Variants in TRAF5 observed in about 807,000 individuals in gnomAD.
The protein encoded by TRAF5 is TNF receptor-associated factor 5.
Under a neutral mutation model 64.5 loss-of-function variants are expected in TRAF5, and 48 were observed. The ratio of observed to expected loss-of-function variants is 0.74; its 90% confidence interval spans 0.59 to 0.95. The LOEUF (loss-of-function observed/expected upper bound fraction) is 0.95. TRAF5 is among the 40% of genes least tolerant of loss of function. The pLI is 0.00. For synonymous variants in TRAF5, 206 were observed against 240.5 expected (o/e 0.86, Z 1.33); for missense variants, 545 against 662.8 (o/e 0.82, Z 1.95).
chr1:211,331,896 A>G (rs1161150051), intron 1 of TRAF5, among the ~76,000 whole-genome samples: 1 of 152,118 alleles, frequency 6.6e-6, no homozygotes, highest in Non-Finnish European at 1.5e-5. Context: ...CAAACTCCTG[A>G]CCTCAGGTGA....
chr1:211,327,584 C>T (rs753263821), intron 1 of TRAF5, among the ~76,000 whole-genome samples: 3 of 152,218 alleles, frequency 2.0e-5, no homozygotes, highest in South Asian at 4.2e-4. Context: ...AGATGGTCTC[C>T]ACTTTGTTCC....
intron 1 of TRAF5, among the ~76,000 whole-genome samples, chr1:211,336,968 C>A (rs1355096206): frequency 3.3e-5 from 5 of 151,866 alleles, no homozygotes; most frequent in Non-Finnish European, 7.4e-5. Flanking sequence ...CAGACCTCAA[C>A]TGATCCGCTC....
chr1:211,333,536 C>T (rs1702215104), intron 1 of TRAF5, among the ~76,000 whole-genome samples: 1 of 146,568 alleles, frequency 6.8e-6, no homozygotes, highest in African/African-American at 2.5e-5. Context: ...CTTGCTCTGT[C>T]GTTCAGGCTG....
At chr1:211,371,238 T>C (rs946955211) in intron 9 of TRAF5, 64 bp from the exon 10 acceptor site, 1 of 1,446,466 alleles carries the variant, frequency 6.9e-7, no homozygotes, top group Admixed American at 2.7e-5. Context: ...AAAATTTTAA[T>C]CTCAATGAAT....
intron 1 of TRAF5, among the ~76,000 whole-genome samples, chr1:211,337,758 G>C (rs948336938): frequency 1.3e-5 from 2 of 152,196 alleles, no homozygotes; most frequent in African/African-American, 4.8e-5. Context: ...TAAGAGAGGA[G>C]CCAAGGATCA....
chr1:211,369,386 A>C (rs1367418498), intron 8 of TRAF5, 66 bp from the exon 9 acceptor site: 1 of 1,337,640 alleles, frequency 7.5e-7, no homozygotes, highest in Non-Finnish European at 9.8e-7. Flanking sequence ...AAGTGCATGC[A>C]TATTTTAACT....
Position 211,372,973 on chromosome 1 carries a change from G to C in TRAF5, c.*271G>C, listed in dbSNP as rs945280327. 1 of 288,740 alleles carries C rather than the reference G, an allele frequency of 3.5e-6. No individual in the cohort carries two copies. The highest frequency in any genetic ancestry group is 7.3e-5 in the East Asian group (1 of 13,722). The allele number at this position is 288,740 out of a possible 1,614,324, so 17.9% of individuals were successfully genotyped here. On this transcript the variant is annotated 3_prime_UTR_variant, in exon 11 of 11. Coordinates refer to ENST00000261464, the MANE Select transcript of TRAF5 (RefSeq NM_001033910.3). ...GTAAGTTTCTTGAAGTTTTTGGGGC[G>C]TTTCTCTTTTACTGGTGCTTAGCGC...
chr1:211,335,080 A>C (rs991523194), intron 1 of TRAF5, among the ~76,000 whole-genome samples: 4 of 152,180 alleles, frequency 2.6e-5, no homozygotes, highest in Non-Finnish European at 5.9e-5. Context: ...GACCAAAGGA[A>C]ATGATATAGT....
rs774527471 is a variant in TRAF5 at position 211,371,372 on chromosome 1, A to T, written c.1001A>T (p.Asn334Ile). 6.2e-7 allele frequency: 1 copy of T among 1,612,104 alleles called. No individual in the cohort carries two copies. Among genetic ancestry groups the T allele is most frequent in the South Asian group, 1.1e-5 (1 of 90,368 alleles). The change falls in exon 10 of 11, where the codon AAC (asparagine) becomes ATC (isoleucine). Residue 334 changes from asparagine (N) to isoleucine (I), a missense_variant. Asn to Ile is a moderately radical substitution (Grantham distance 149). Transcript: ENST00000261464. ...AQVHQLLQMV[N>I]QQQNKFDLRP... ...GTGCATCAATTATTACAAATGGTTA[A>T]CCAGCAACAAAATAAATTTGACCTG...
At chr1:211,335,720 G>A (rs988035098) in intron 1 of TRAF5, among the ~76,000 whole-genome samples, 3 of 152,110 alleles carry the variant, frequency 2.0e-5, no homozygotes, top group Admixed American at 6.5e-5. Context: ...AGATGTTTCC[G>A]GAAGAGACAA....
At position 211,364,514 on chromosome 1, in the gene TRAF5, C is replaced by T. The variant is rs1297435471; in HGVS notation, c.697-862C>T. ...AGCCTGAGCAATATGGTGAAACCCCCGTCTCTACTAAAAATACAAAAATTA... is the reference window on the plus strand; with the variant it reads ...AGCCTGAGCAATATGGTGAAACCCCTGTCTCTACTAAAAATACAAAAATTA... On this transcript the variant is annotated intron_variant, in intron 7 of 10. Transcript: ENST00000261464. 3.3e-5 allele frequency among the ~76,000 whole-genome samples: 5 copies of T among 151,890 alleles called. No individual in the cohort carries two copies. In the East Asian group the frequency reaches 7.8e-4, roughly 24 times the overall value.
At position 211,326,981 on chromosome 1, in the gene TRAF5, C is replaced by T. The variant is rs866812417; in HGVS notation, c.-2+92C>T. 2 of 953,280 alleles carry T rather than the reference C, an allele frequency of 2.1e-6. No individual in the cohort carries two copies. Among genetic ancestry groups the T allele is most frequent in the South Asian group, 4.8e-5 (1 of 20,862 alleles). The allele number at this position is 953,280 out of a possible 1,614,324, so 59.1% of individuals were successfully genotyped here. A position where few individuals can be genotyped will look rare whatever the true frequency, so the allele number is the denominator to read the frequency against. On this transcript the variant is annotated intron_variant, in intron 1 of 10. Coordinates refer to ENST00000261464, the MANE Select transcript of TRAF5 (RefSeq NM_001033910.3). The surrounding 1 kb of genome is among the most constrained non-coding windows in gnomAD (Gnocchi z 5.0). The stretch of plus-strand genomic sequence containing the variant: ...AGCGCTTTTCATCTCGTCCCAGTTA[C>T]TTTGAAACCGAAAGCGCCTGCTGGC...
At chr1:211,329,824 A>G (rs1215156115) in intron 1 of TRAF5, among the ~76,000 whole-genome samples, 1 of 152,208 alleles carries the variant, frequency 6.6e-6, no homozygotes, top group Non-Finnish European at 1.5e-5. Flanking sequence ...AGAGGAGAAC[A>G]CGCTGCAGGG....
intron 1 of TRAF5, among the ~76,000 whole-genome samples, chr1:211,350,541 C>A (rs1182445145): frequency 6.6e-6 from 1 of 152,128 alleles, no homozygotes; most frequent in East Asian, 1.9e-4. Flanking sequence ...ACCTGGGAAG[C>A]CACTAAAAGA....
At chr1:211,339,121 G>C (rs1161261875) in intron 1 of TRAF5, among the ~76,000 whole-genome samples, 1 of 152,196 alleles carries the variant, frequency 6.6e-6, no homozygotes, top group Non-Finnish European at 1.5e-5. Flanking sequence ...CTGTGCCCAC[G>C]CACTAGCTGT....
chr1:211,365,841 T>C (rs76826772), intron 8 of TRAF5, among the ~76,000 whole-genome samples: 2,907 of 152,322 alleles, frequency 0.019, 92 homozygotes, highest in African/African-American at 0.067. Context: ...TTGGTTAATA[T>C]CTGACACTTA....
intron 7 of TRAF5, 82 bp from the exon 8 acceptor site, chr1:211,365,294 C>A: frequency 8.5e-7 from 1 of 1,181,648 alleles, no homozygotes; most frequent in South Asian, 1.4e-5. Flanking sequence ...TGTTAAGATT[C>A]TATTTTAGCA....
At chr1:211,352,084 G>A (rs1399381278) in intron 1 of TRAF5, among the ~76,000 whole-genome samples, 3 of 152,124 alleles carry the variant, frequency 2.0e-5, no homozygotes, top group Non-Finnish European at 4.4e-5. Flanking sequence ...GTGAGACCCT[G>A]TCTGTGGTAG....
At chr1:211,361,257 G>C in intron 7 of TRAF5, 95 bp downstream of exon 7, 1 of 1,128,644 alleles carries the variant, frequency 8.9e-7, no homozygotes, top group Non-Finnish European at 1.3e-6. Context: ...GATGGAGAAA[G>C]ACATACAGTT....
Sources: gnomAD v4.1 joint callset for allele counts (sites outside exome capture counted in the v4.1 genomes callset) on GRCh38, gnomAD v4.1.1 for gene constraint, Gnocchi (gnomAD v3.1) non-coding constraint, MANE v1.5 for transcripts, NCBI Gene and HGNC (gene_info 2026-07-23, HGNC 2026-07-21) for gene names.